The following EFHC2 variants were observed in gnomAD, a reference collection of about 807,000 sequenced individuals.
EFHC2 encodes EF-hand domain containing 2.
In EFHC2, 18 loss-of-function variants were observed where a neutral mutation model predicts 52.7. That is an observed-to-expected ratio of 0.34 (90% CI 0.24 to 0.51). The LOEUF (loss-of-function observed/expected upper bound fraction) is 0.51. EFHC2 is among the 20% of genes least tolerant of loss of function. EFHC2 has a pLI of 0.97. For synonymous variants in EFHC2, 203 were observed against 204.1 expected (o/e 0.99, Z 0.04); for missense variants, 513 against 562.5 (o/e 0.91, Z 0.89).
intron 13 of EFHC2, among the ~76,000 whole-genome samples, chrX:44,173,240 A>G (rs2036759216): frequency 8.9e-6 from 1 of 111,939 alleles, no homozygotes. Context: ...ATTCCAAGGC[A>G]GGTAAAACTA....
chrX:44,273,208 T>C (rs1422581233), intron 2 of EFHC2, among the ~76,000 whole-genome samples: 1 of 112,830 alleles, frequency 8.9e-6, no homozygotes, highest in Non-Finnish European at 1.9e-5. Flanking sequence ...TTGTCATTTT[T>C]TTCCCATTAA....
intron 11 of EFHC2, among the ~76,000 whole-genome samples, chrX:44,198,296 G>A (rs749264483): frequency 2.7e-5 from 3 of 111,135 alleles, no homozygotes; most frequent in South Asian, 3.8e-4. Context: ...TTTTTCTAGC[G>A]TCCCATAAAA....
chrX:44,290,910 T>TA (rs1397216020), intron 2 of EFHC2, among the ~76,000 whole-genome samples: 1 of 111,138 alleles, frequency 9.0e-6, no homozygotes, highest in Non-Finnish European at 1.9e-5. Flanking sequence ...GTTGTGAAAG[T>TA]AAACCATGTG....
intron 2 of EFHC2, among the ~76,000 whole-genome samples, chrX:44,294,897 AAGCTAAATAAAAT>A (rs2147369947): frequency 8.9e-6 from 1 of 112,500 alleles, no homozygotes; most frequent in East Asian, 2.8e-4. Flanking sequence ...TGAGAATTCA[AAGCTAAATAAAAT>A]AGCCAACACT....
intron 1 of EFHC2, among the ~76,000 whole-genome samples, chrX:44,335,513 C>T (rs1471688645): frequency 2.7e-5 from 3 of 111,342 alleles, no homozygotes; most frequent in Non-Finnish European, 3.8e-5. Flanking sequence ...CTATACATTC[C>T]TGGTGGGATA....
intron 7 of EFHC2, among the ~76,000 whole-genome samples, chrX:44,246,508 A>AGACTACTTT (rs1264352395): frequency 1.8e-5 from 2 of 112,376 alleles, no homozygotes; most frequent in African/African-American, 3.2e-5. Flanking sequence ...TTAGAGGCAC[A>AGACTACTTT]GACTACTTTT....
At chrX:44,206,631 C>T in intron 11 of EFHC2, among the ~76,000 whole-genome samples, 1 of 111,301 alleles carries the variant, frequency 9.0e-6, no homozygotes, top group Non-Finnish European at 1.9e-5. Context: ...AATAAAATAC[C>T]TAGGAATACA....
intron 11 of EFHC2, among the ~76,000 whole-genome samples, chrX:44,198,241 T>C (rs1177154983): frequency 8.9e-6 from 1 of 112,036 alleles, no homozygotes; most frequent in African/African-American, 3.2e-5. Flanking sequence ...TCTATCTGTT[T>C]TGGCACAACA....
chrX:44,288,136 A>G (rs1412083029), intron 2 of EFHC2, among the ~76,000 whole-genome samples: 3 of 111,588 alleles, frequency 2.7e-5, no homozygotes, highest in African/African-American at 9.8e-5. Context: ...AGAAGAGTCA[A>G]ATATTTACAA....
chrX:44,288,333 A>T, intron 2 of EFHC2, among the ~76,000 whole-genome samples: 1 of 111,064 alleles, frequency 9.0e-6, no homozygotes, highest in Non-Finnish European at 1.9e-5. Flanking sequence ...TAATAGGAAA[A>T]TATGGTAACA....
intron 2 of EFHC2, among the ~76,000 whole-genome samples, chrX:44,299,664 G>A (rs1043229342): frequency 1.5e-4 from 17 of 111,856 alleles, no homozygotes; most frequent in Middle Eastern, 4.6e-3. Flanking sequence ...GGCACATGTC[G>A]TCAGGACCTC....
chrX:44,246,826 A>G (rs2037404526), intron 7 of EFHC2, among the ~76,000 whole-genome samples: 1 of 112,507 alleles, frequency 8.9e-6, no homozygotes, highest in Non-Finnish European at 1.9e-5. Context: ...TTAAGGAATC[A>G]TATAATGCTT....
intron 11 of EFHC2, among the ~76,000 whole-genome samples, chrX:44,188,292 G>A (rs1196065788): frequency 9.0e-6 from 1 of 111,307 alleles, no homozygotes; most frequent in African/African-American, 3.3e-5. Flanking sequence ...CATAAAAAGT[G>A]TTTCCTAATT....
intron 14 of EFHC2, among the ~76,000 whole-genome samples, chrX:44,153,842 C>G (rs773703482): frequency 1.8e-4 from 20 of 112,341 alleles, no homozygotes; most frequent in Non-Finnish European, 3.4e-4. Flanking sequence ...TTATGAAAAT[C>G]TGGGCAGTGA....
chrX:44,238,640 C>G (rs1354764698), intron 8 of EFHC2, among the ~76,000 whole-genome samples: 1 of 111,212 alleles, frequency 9.0e-6, no homozygotes, highest in East Asian at 2.8e-4. Flanking sequence ...TTGCACATCC[C>G]AAGCACACTT....
chrX:44,150,382 A>T (rs1251888332), intron 14 of EFHC2, among the ~76,000 whole-genome samples: 2 of 111,502 alleles, frequency 1.8e-5, no homozygotes, highest in Admixed American at 1.9e-4. Context: ...TCTATTTTCA[A>T]GAAAGGGTGA....
At chrX:44,235,193 C>T (rs1230580353) in intron 9 of EFHC2, 112 bp downstream of exon 9, 2 of 647,360 alleles carry the variant, frequency 3.1e-6, no homozygotes, top group Non-Finnish European at 4.2e-6. Flanking sequence ...TTTTATAAAG[C>T]CTCTATTGTA....
At chrX:44,313,371 C>G (rs1339460701) in intron 1 of EFHC2, among the ~76,000 whole-genome samples, 3 of 111,195 alleles carry the variant, frequency 2.7e-5, no homozygotes, top group Non-Finnish European at 5.7e-5. Flanking sequence ...TGGCCAACAT[C>G]AACATTTGTG....
chrX:44,302,131 G>A (rs1028055835), intron 2 of EFHC2, among the ~76,000 whole-genome samples: 1 of 111,595 alleles, frequency 9.0e-6, no homozygotes, highest in African/African-American at 3.3e-5. Flanking sequence ...ATTCCTACCA[G>A]GAATGTATGA....
Sources: gnomAD v4.1 joint callset for allele counts (sites outside exome capture counted in the v4.1 genomes callset) on GRCh38, gnomAD v4.1.1 for gene constraint, MANE v1.5 for transcripts, NCBI Gene and HGNC (gene_info 2026-07-23, HGNC 2026-07-21) for gene names.